Variants in GPC6 observed in about 807,000 individuals in gnomAD.
GPC6 encodes the protein glypican-6.
Under a neutral mutation model 55.2 loss-of-function variants are expected in GPC6, and 14 were observed. The ratio of observed to expected loss-of-function variants is 0.25; its 90% CI spans 0.17 to 0.40. The LOEUF (loss-of-function observed/expected upper bound fraction) is 0.40. Ranked by LOEUF, GPC6 falls within the 10% of genes least tolerant of loss-of-function variation. The pLI is 1.00. For missense variants in GPC6, 641 were observed against 708.5 expected (o/e 0.90, Z 1.08); for synonymous variants, 278 against 259.6 (o/e 1.07, Z -0.68).
chr13:94,307,773 G>A (rs1048379009), intron 6 of GPC6, among the ~76,000 whole-genome samples: 2 of 152,154 alleles, frequency 1.3e-5, no homozygotes, highest in African/African-American at 2.4e-5. Context: ...TTTACAAATT[G>A]CATTGTATAT....
At chr13:94,261,617 T>C (rs1014059923) in intron 4 of GPC6, among the ~76,000 whole-genome samples, 2 of 152,214 alleles carry the variant, frequency 1.3e-5, no homozygotes, top group Non-Finnish European at 2.9e-5. Context: ...CTGGAGGAGC[T>C]AATGCTTAAG....
chr13:93,946,645 G>A (rs1029324695), intron 3 of GPC6, among the ~76,000 whole-genome samples: 1 of 152,026 alleles, frequency 6.6e-6, no homozygotes, highest in African/African-American at 2.4e-5. Flanking sequence ...ATTCCACTTT[G>A]TACAGGCCAA....
chr13:94,008,287 T>G (rs1882100497), intron 3 of GPC6, among the ~76,000 whole-genome samples: 1 of 152,194 alleles, frequency 6.6e-6, no homozygotes, highest in Non-Finnish European at 1.5e-5. Context: ...ACAATCATCT[T>G]CATATTTTTT....
At chr13:94,090,894 A>T (rs1885456321) in intron 4 of GPC6, among the ~76,000 whole-genome samples, 1 of 152,178 alleles carries the variant, frequency 6.6e-6, no homozygotes, top group Admixed American at 6.5e-5. Context: ...TGATTAGATC[A>T]TGTGGCATTA....
intron 2 of GPC6, among the ~76,000 whole-genome samples, chr13:93,746,547 A>T (rs1884407280): frequency 6.6e-6 from 1 of 152,194 alleles, no homozygotes. Context: ...TTATCACCAT[A>T]ACAGGAAAAC....
At chr13:93,368,656 C>A (rs1455690775) in intron 1 of GPC6, among the ~76,000 whole-genome samples, 1 of 151,898 alleles carries the variant, frequency 6.6e-6, no homozygotes, top group Non-Finnish European at 1.5e-5. Flanking sequence ...ACCTTTGAAC[C>A]AACAAGCAGG....
chr13:93,275,048 T>G (rs2139058669), intron 1 of GPC6, among the ~76,000 whole-genome samples: 1 of 152,284 alleles, frequency 6.6e-6, no homozygotes, highest in East Asian at 1.9e-4. Context: ...CCTACTGAAT[T>G]TAAGTACCTG....
chr13:93,513,899 G>A (rs1335843024), intron 1 of GPC6, among the ~76,000 whole-genome samples: 2 of 77,956 alleles, frequency 2.6e-5, no homozygotes, highest in Admixed American at 1.6e-4. Context: ...TTTTTTCGGT[G>A]TTTCACTCTC....
intron 3 of GPC6, among the ~76,000 whole-genome samples, chr13:93,977,467 GGTGTGT>G (rs4001797): frequency 0.097 from 13,324 of 137,208 alleles, 695 homozygotes; most frequent in East Asian, 0.25. Context: ...GATGACAAGG[GGTGTGT>G]GTGTGTGTGT....
At chr13:93,438,716 A>G (rs929377627) in intron 1 of GPC6, among the ~76,000 whole-genome samples, 45 of 152,212 alleles carry the variant, frequency 3.0e-4, no homozygotes, top group Non-Finnish European at 4.9e-4. Context: ...TGAGATGACA[A>G]CAAAAGATAT....
At chr13:93,956,567 C>T (rs1466285521) in intron 3 of GPC6, among the ~76,000 whole-genome samples, 1 of 152,210 alleles carries the variant, frequency 6.6e-6, no homozygotes, top group Non-Finnish European at 1.5e-5. Flanking sequence ...GCAGGCACAG[C>T]CTGCTCTTTC....
chr13:94,310,243 G>A (rs894384506), intron 6 of GPC6, among the ~76,000 whole-genome samples: 4 of 152,002 alleles, frequency 2.6e-5, no homozygotes, highest in African/African-American at 9.7e-5. Context: ...GACTGTGCAT[G>A]GTGTATCTTA....
In GPC6 at chr13:94,029,168, GGCCTCA is replaced by G. The variant is rs139676287; in HGVS notation, c.877+1277_877+1282del. Among the ~76,000 whole-genome samples, 655 of 152,270 alleles carry G rather than the reference GGCCTCA, an allele frequency of 4.3e-3. 7 individuals are homozygous for G. The highest frequency in any genetic ancestry group is 0.015 in the African/African-American group (626 of 41,552). ...GTACAAAGATGTGCTTAGGTTAACA[GGCCTCA>G]GCTCTGATAATGAAACCCATTGGCT... On this transcript the variant is annotated intron_variant, in intron 4 of 8. Coordinates refer to ENST00000377047, the MANE Select transcript of GPC6 (RefSeq NM_005708.5).
Position 93,733,520 on chromosome 13 carries a change from TAAATATATA to T in GPC6, c.320-96619_320-96611del, listed in dbSNP as rs977748173. On this transcript the variant is annotated intron_variant, in intron 2 of 8. Transcript: ENST00000377047. ...AATGTGATCAGGCATAAAATATATATAAATATATAAAATATATAAAATAAGGCTAATCCT... is the reference window on the plus strand; with the variant it reads ...AATGTGATCAGGCATAAAATATATATAAATATATAAAATAAGGCTAATCCT... Among the ~76,000 whole-genome samples the T allele has an allele frequency of 4.7e-5, 7 of 150,428 alleles. 1 individual carries two copies. Among genetic ancestry groups the T allele is most frequent in the Admixed American group, 1.3e-4 (2 of 15,056 alleles).
At chr13:93,961,633 G>C (rs1879781386) in intron 3 of GPC6, among the ~76,000 whole-genome samples, 1 of 152,168 alleles carries the variant, frequency 6.6e-6, no homozygotes, top group Non-Finnish European at 1.5e-5. Context: ...AGCATGCTTT[G>C]ATTTGGCCAT....
At position 93,381,627 on chromosome 13, in the gene GPC6, G is replaced by A. The variant is rs192312232; in HGVS notation, c.160+154011G>A. Among the ~76,000 whole-genome samples, 14 of 152,228 alleles carry A rather than the reference G, an allele frequency of 9.2e-5. 1 individual carries two copies. Among genetic ancestry groups the A allele is most frequent in the African/African-American group, 2.9e-4 (12 of 41,556 alleles). ...CTTCTGTCTGGGAACGTGTCATTGA[G>A]TCATTGCAATGGAAGAAATCTCATA... On this transcript the variant is annotated intron_variant, in intron 1 of 8. Coordinates refer to ENST00000377047, the MANE Select transcript of GPC6 (RefSeq NM_005708.5).
intron 1 of GPC6, among the ~76,000 whole-genome samples, chr13:93,462,375 C>T (rs1264074911): frequency 2.6e-5 from 4 of 152,118 alleles, no homozygotes; most frequent in African/African-American, 7.2e-5. Context: ...AATTTTCTAC[C>T]GACATGACAC....
intron 4 of GPC6, among the ~76,000 whole-genome samples, chr13:94,223,941 G>A (rs1433264539): frequency 6.6e-6 from 1 of 152,132 alleles, no homozygotes; most frequent in African/African-American, 2.4e-5. Context: ...GGTTGAACAA[G>A]GCAGAGCTCT....
At chr13:94,084,038 A>G (rs1885198797) in intron 4 of GPC6, among the ~76,000 whole-genome samples, 1 of 152,220 alleles carries the variant, frequency 6.6e-6, no homozygotes, top group South Asian at 2.1e-4. Context: ...CTTGAACCTC[A>G]TATTACTATG....
Sources: gnomAD v4.1 joint callset for allele counts (sites outside exome capture counted in the v4.1 genomes callset) on GRCh38, gnomAD v4.1.1 for gene constraint, MANE v1.5 for transcripts, NCBI Gene and HGNC (gene_info 2026-07-23, HGNC 2026-07-21) for gene names.